TDRD6: variants seen among roughly 807,000 people sequenced by gnomAD.
TDRD6 encodes tudor domain containing 6.
TDRD6 carries 186 observed loss-of-function variants against 157.5 expected under a neutral mutation model. The observed-to-expected ratio is 1.18, with a 90% CI of 1.05 to 1.33. TDRD6 has a LOEUF of 1.33. TDRD6 is among the 40% of genes most tolerant of loss of function. TDRD6 has a pLI of 0.00. For missense variants in TDRD6, 3,066 were observed against 2,508.0 expected, an observed-to-expected ratio of 1.22 and a Z score of -4.75; for synonymous variants, 1,075 against 945.2, an observed-to-expected ratio of 1.14 and a Z score of -2.52.
At position 46,688,078 on chromosome 6, in the gene TDRD6, T is replaced by G. The variant is rs1764154857; in HGVS notation, c.-51T>G. 2 of 1,425,430 alleles carry G rather than the reference T, an allele frequency of 1.4e-6. No individual in the cohort carries two copies. Among genetic ancestry groups the G allele is most frequent in the East Asian group, 5.6e-5 (2 of 35,896 alleles). 88.3% of individuals were successfully genotyped at this position (1,425,430 alleles called of 1,614,324 possible). A position where few individuals can be genotyped will look rare whatever the true frequency, so the allele number is the denominator to read the frequency against. On this transcript the variant is annotated 5_prime_UTR_variant, in exon 1 of 4. Transcript: ENST00000316081. ...GGCGGCGCGGAGGATTTCGAGGCCC[T>G]GAGGCGCGGCCCTTAATTTCCGGAA...
Position 46,694,100 on chromosome 6 carries a change from T to G in TDRD6, c.5972T>G (p.Leu1991Trp). Residue 1991 changes from leucine to tryptophan, a missense_variant, in exon 1 of 4, where the codon TTG becomes TGG. By Grantham distance (61) the Leu-to-Trp change is moderately conservative. Transcript: ENST00000316081. ...EYKNRDAISA[L>W]MPLFSEEESS... ...AAAAACAGGGATGCCATTTCGGCATTGATGCCTTTGTTCTCTGAGGAAGAA... is the reference window on the plus strand; with the variant it reads ...AAAAACAGGGATGCCATTTCGGCATGGATGCCTTTGTTCTCTGAGGAAGAA... 1 of 1,608,930 alleles carries G rather than the reference T, an allele frequency of 6.2e-7. No individual in the cohort carries two copies. The highest frequency in any genetic ancestry group is 1.3e-5 in the African/African-American group (1 of 75,024).
rs1472830534 is a variant in TDRD6 at position 46,688,025 on chromosome 6, A to C, written c.-104A>C. The C allele has an allele frequency of 7.2e-7, 1 of 1,380,422 alleles. No individual in the cohort carries two copies. The highest frequency in any genetic ancestry group is 1.5e-5 in the African/African-American group (1 of 64,972). The allele number at this position is 1,380,422 out of a possible 1,614,324, so 85.5% of individuals were successfully genotyped here. ...TTCTTCCCCTCCACTGGGTCCTTTG[A>C]ACCTAGTTTGGCTGGGACTCGCCTT... On this transcript the variant is annotated 5_prime_UTR_variant, in exon 1 of 4. Coordinates refer to ENST00000316081, the MANE Select transcript of TDRD6 (RefSeq NM_001010870.3).
upstream of TDRD6, among the ~76,000 whole-genome samples, chr6:46,685,772 T>TAAA (rs11460703): frequency 6.7e-6 from 1 of 149,954 alleles, no homozygotes; most frequent in Non-Finnish European, 1.5e-5. Context: ...ACAATAATAA[T>TAAA]AAAAAAAAAA....
rs1208456731 is a variant in TDRD6 at position 46,702,882 on chromosome 6, T to C, written c.*995T>C. The C allele has an allele frequency of 6.6e-6, 1 of 152,148 alleles. No individual in the cohort carries two copies. Among genetic ancestry groups the C allele is most frequent in the Non-Finnish European group, 1.5e-5 (1 of 67,986 alleles). 9.4% of individuals were successfully genotyped at this position (152,148 alleles called of 1,614,324 possible). A position where few individuals can be genotyped will look rare whatever the true frequency, so the allele number is the denominator to read the frequency against. On this transcript the variant is annotated 3_prime_UTR_variant, in exon 4 of 4. Coordinates refer to ENST00000316081, the MANE Select transcript of TDRD6 (RefSeq NM_001010870.3). ...TTGATCTTCATCTGTAAAGTGGTGATAATAAAACCTTTCTTGCAGTGTTTT... is the reference window on the plus strand; with the variant it reads ...TTGATCTTCATCTGTAAAGTGGTGACAATAAAACCTTTCTTGCAGTGTTTT...
intron 2 of TDRD6, among the ~76,000 whole-genome samples, chr6:46,696,484 A>G (rs1480744036): frequency 7.0e-6 from 1 of 142,112 alleles, no homozygotes; most frequent in African/African-American, 2.6e-5. Context: ...GTATATATAT[A>G]TATATATATG....
chr6:46,691,830 CTT>C lies in TDRD6; in HGVS notation c.3703_3704del (p.Leu1235SerfsTer11). On this transcript the variant is annotated frameshift_variant, in exon 1 of 4. Coordinates refer to ENST00000316081, the MANE Select transcript of TDRD6 (RefSeq NM_001010870.3). LOFTEE classifies it high-confidence loss of function. ...TTTTACAAAGTTTAACAAAAACAAACTTAGTCACTCAATATCAAGACTCTGTG... is the reference window on the plus strand; with the variant it reads ...TTTTACAAAGTTTAACAAAAACAAACAGTCACTCAATATCAAGACTCTGTG... ...KLLQSLTKTN[L>X]VTQYQDSVGN... 1 of 1,603,804 alleles carries C rather than the reference CTT, an allele frequency of 6.2e-7. No homozygotes were observed. The highest frequency in any genetic ancestry group is 2.2e-5 in the East Asian group (1 of 44,774).
At chr6:46,699,009 T>C (rs1237971418) in intron 3 of TDRD6, among the ~76,000 whole-genome samples, 1 of 152,170 alleles carries the variant, frequency 6.6e-6, no homozygotes, top group Non-Finnish European at 1.5e-5. Context: ...GTCAGTGGTT[T>C]ATATAGTAGT....
At position 46,687,912 on chromosome 6, in the gene TDRD6, T is replaced by A; in HGVS notation, c.-217T>A. The A allele has an allele frequency of 1.5e-6, 1 of 647,932 alleles. No homozygotes were observed. The highest frequency in any genetic ancestry group is 2.4e-6 in the Non-Finnish European group (1 of 424,082). 40.1% of individuals were successfully genotyped at this position (647,932 alleles called of 1,614,324 possible). On this transcript the variant is annotated 5_prime_UTR_variant, in exon 1 of 4. Coordinates refer to ENST00000316081, the MANE Select transcript of TDRD6 (RefSeq NM_001010870.3). ...GCCCGGAAGCGCGACCTCGGGCGGT[T>A]GGAGGGGCTACCGGGTCTTACCAGT...
chr6:46,688,653 G>T lies in TDRD6; in HGVS notation c.525G>T (p.Leu175=). 6.3e-7 allele frequency: 1 copy of T among 1,599,556 alleles called. No individual in the cohort carries two copies. Among genetic ancestry groups the T allele is most frequent in the Non-Finnish European group, 8.5e-7 (1 of 1,179,870 alleles). ...ACGGGTGCGTCCTGGACGTGCTGCT[G>T]CTCCATCGCCTGGTCCTCCTGGAGG... is the stretch of plus-strand genomic sequence containing the variant. The part of the protein sequence containing the change: ...EVHGCVLDVL[L]LHRLVLLEVP... The change falls in exon 1 of 4, where the codon CTG becomes CTT. Residue 175 remains leucine (L), a synonymous_variant. Transcript: ENST00000316081.
chr6:46,695,727 G>T, intron 1 of TDRD6, 94 bp from the exon 2 acceptor site: 1 of 1,273,362 alleles, frequency 7.9e-7, no homozygotes, highest in Non-Finnish European at 1.1e-6. Context: ...TGATGATATA[G>T]AAATAATGCA....
rs1367020815 is a variant in TDRD6 at position 46,702,054 on chromosome 6, T to C, written c.*167T>C. ...GAAAACAAATTAGGTCTCAGGTTGA[T>C]GGTGGGGTGTGTTTATAGTGATCCT... On this transcript the variant is annotated 3_prime_UTR_variant, in exon 4 of 4. Coordinates refer to ENST00000316081, the MANE Select transcript of TDRD6 (RefSeq NM_001010870.3). 3.1e-6 allele frequency: 2 copies of C among 638,324 alleles called. No homozygotes were observed. Among genetic ancestry groups the C allele is most frequent in the East Asian group, 2.7e-5 (1 of 36,634 alleles). The allele number at this position is 638,324 out of a possible 1,614,324, so 39.5% of individuals were successfully genotyped here.
rs1003741090 is a variant in TDRD6 at position 46,702,880 on chromosome 6, G to A, written c.*993G>A. 1 of 152,052 alleles carries A rather than the reference G, an allele frequency of 6.6e-6. No individual in the cohort carries two copies. Among genetic ancestry groups the A allele is most frequent in the African/African-American group, 2.4e-5 (1 of 41,424 alleles). 9.4% of individuals were successfully genotyped at this position (152,052 alleles called of 1,614,324 possible). The stretch of plus-strand genomic sequence containing the variant: ...CTTTGATCTTCATCTGTAAAGTGGT[G>A]ATAATAAAACCTTTCTTGCAGTGTT... On this transcript the variant is annotated 3_prime_UTR_variant, in exon 4 of 4. Coordinates refer to ENST00000316081, the MANE Select transcript of TDRD6 (RefSeq NM_001010870.3).
At position 46,693,981 on chromosome 6, in the gene TDRD6, C is replaced by T. The variant is rs759187016; in HGVS notation, c.5853C>T (p.Asp1951=). The T allele has an allele frequency of 1.7e-5, 28 of 1,613,608 alleles. No homozygotes were observed. Among genetic ancestry groups the T allele is most frequent in the Non-Finnish European group, 1.6e-5 (19 of 1,179,820 alleles). Residue 1951 remains aspartate, a synonymous_variant, in exon 1 of 4, where the codon GAC becomes GAT. Transcript: ENST00000316081. ...CAAGTTGTGTAGAATCTTTTGATGA[C>T]CAGCGCAGGATGTCATTGCATCTAC... The part of the protein sequence containing the change: ...RKSSCVESFD[D]QRRMSLHLHG...
the TDRD6 span, among the ~76,000 whole-genome samples, chr6:46,681,351 A>G: frequency 3.3e-5 from 5 of 152,230 alleles, no homozygotes; most frequent in Non-Finnish European, 5.9e-5. Flanking sequence ...TAAATAATAT[A>G]TAATTGACTA....
At chr6:46,696,503 A>AGTG (rs1562060369) in intron 2 of TDRD6, among the ~76,000 whole-genome samples, 24 of 130,386 alleles carry the variant, frequency 1.8e-4, no homozygotes, top group African/African-American at 6.7e-4. Context: ...TGTATATGTA[A>AGTG]TATATATGTA....
chr6:46,691,236 T>C lies in TDRD6; in HGVS notation c.3108T>C (p.Pro1036=), dbSNP rs145660951. 6.2e-7 allele frequency: 1 copy of C among 1,613,942 alleles called. No homozygotes were observed. The highest frequency in any genetic ancestry group is 1.3e-5 in the African/African-American group (1 of 74,938). The change falls in exon 1 of 4, where the codon CCT becomes CCC. Residue 1036 remains proline (P), a synonymous_variant. Transcript: ENST00000316081. ...ATTTAAAAACATCTCCCTTGAACCC[T>C]GGAACCTTGTGCCTTGCCAAGTATA... ...LLNLKTSPLN[P]GTLCLAKYTD...
Position 46,695,841 on chromosome 6 carries a change from A to G in TDRD6, c.6067A>G (p.Thr2023Ala). ...HISAQLQNTY[T>A]LKAFTVGSKC... ...GGCAGCTCAACTACAGAACACCTAC[A>G]CTCTGAAAGCCTTTACTGTTGGATC... is the stretch of plus-strand genomic sequence containing the variant. The change falls in exon 2 of 4, where the codon ACT becomes GCT. Residue 2023 changes from threonine (T) to alanine (A), a missense_variant. By Grantham distance (58) the Thr-to-Ala change is moderately conservative. Coordinates refer to ENST00000316081, the MANE Select transcript of TDRD6 (RefSeq NM_001010870.3). The G allele has an allele frequency of 6.2e-7, 1 of 1,613,514 alleles. No individual in the cohort carries two copies. Among genetic ancestry groups the G allele is most frequent in the Non-Finnish European group, 8.5e-7 (1 of 1,179,706 alleles).
chr6:46,694,489 C>G (rs1184304279), intron 1 of TDRD6, among the ~76,000 whole-genome samples: 1 of 152,068 alleles, frequency 6.6e-6, no homozygotes, highest in Non-Finnish European at 1.5e-5. Context: ...TTAAGTTTAA[C>G]ATAGTGACTT....
In TDRD6 at chr6:46,696,511, G is replaced by GTA. The variant is rs1360212580; in HGVS notation, c.6171+574_6171+575dup. ...ATATATATGTATATGTAATATATATGTATATATATGTGTGTATATATGTGT... is the reference window on the plus strand; with the variant it reads ...ATATATATGTATATGTAATATATATGTATATATATATGTGTGTATATATGTGT... On this transcript the variant is annotated intron_variant, in intron 2 of 3. Coordinates refer to ENST00000316081, the MANE Select transcript of TDRD6 (RefSeq NM_001010870.3). Among the ~76,000 whole-genome samples, 20 of 117,244 alleles carry GTA rather than the reference G, an allele frequency of 1.7e-4. No individual in the cohort carries two copies. The East Asian group carries it at 3.1e-3, about 18-fold the overall frequency. The allele number at this position is 117,244 out of a possible 152,430, so 76.9% of individuals were successfully genotyped here. A position where few individuals can be genotyped will look rare whatever the true frequency, so the allele number is the denominator to read the frequency against.
Sources: gnomAD v4.1 joint callset for allele counts (sites outside exome capture counted in the v4.1 genomes callset) on GRCh38, gnomAD v4.1.1 for gene constraint, MANE v1.5 for transcripts, NCBI Gene and HGNC (gene_info 2026-07-23, HGNC 2026-07-21) for gene names.